Variants in CLIC5 observed in about 807,000 individuals in gnomAD.
The protein encoded by CLIC5 is CLIC family member 5, also known as chloride intracellular channel protein 5.
Under a neutral mutation model 24.7 loss-of-function variants are expected in CLIC5, and 20 were observed. That is an observed-to-expected ratio of 0.81 (90% CI 0.57 to 1.18). The LOEUF (loss-of-function observed/expected upper bound fraction) is 1.18. Ranked by LOEUF, CLIC5 falls within the 50% of genes most tolerant of loss-of-function variation. CLIC5 has a pLI of 0.00. For synonymous variants in CLIC5, 159 were observed against 135.6 expected, an observed-to-expected ratio of 1.17 and a Z score of -1.20; for missense variants, 341 against 326.1, an observed-to-expected ratio of 1.05 and a Z score of -0.35.
intron 5 of CLIC5, among the ~76,000 whole-genome samples, chr6:45,903,996 T>C (rs1762580737): frequency 6.6e-6 from 1 of 152,174 alleles, no homozygotes; most frequent in Non-Finnish European, 1.5e-5. Flanking sequence ...CTCGCCCTGG[T>C]TTGCCACAGT....
At chr6:45,914,607 T>G in intron 4 of CLIC5, 198 bp from the exon 5 acceptor site, 3 of 1,058,900 alleles carry the variant, frequency 2.8e-6, no homozygotes, top group Non-Finnish European at 3.6e-6. Context: ...AGGCAAACTC[T>G]AACCAAACAA....
chr6:46,008,838 G>C (rs903273178), intron 1 of CLIC5, among the ~76,000 whole-genome samples: 6 of 152,102 alleles, frequency 3.9e-5, no homozygotes, highest in African/African-American at 1.4e-4. Context: ...TATTGCCTTG[G>C]CTACCTCCAT....
At chr6:46,005,776 C>G (rs967634302) in intron 1 of CLIC5, among the ~76,000 whole-genome samples, 3 of 151,694 alleles carry the variant, frequency 2.0e-5, no homozygotes, top group Admixed American at 2.0e-4. Context: ...ATAGAGTTAT[C>G]CTCCTCCACA....
At chr6:46,030,937 G>A (rs570154412) in intron 1 of CLIC5, among the ~76,000 whole-genome samples, 4 of 152,170 alleles carry the variant, frequency 2.6e-5, no homozygotes, top group East Asian at 3.9e-4. Flanking sequence ...TTCTTGCAGC[G>A]AAATTCTCAT....
upstream of CLIC5, chr6:46,015,977 C>G (rs888628111): frequency 6.0e-6 from 5 of 834,448 alleles, no homozygotes; most frequent in South Asian, 5.5e-5. Flanking sequence ...CACGGCCCCC[C>G]GCCCCAAGAC....
At chr6:45,896,700 G>T (rs1370710139), downstream of CLIC5, among the ~76,000 whole-genome samples, 2 of 152,182 alleles carry the variant, frequency 1.3e-5, no homozygotes, top group African/African-American at 4.8e-5. Flanking sequence ...TCTGGAACAG[G>T]ACTTAGTCTT....
chr6:46,050,498 G>C (rs1768073365), intron 1 of CLIC5, among the ~76,000 whole-genome samples: 1 of 152,184 alleles, frequency 6.6e-6, no homozygotes. Context: ...GTGCTTGCTA[G>C]TTGCCAAGTT....
chr6:45,943,821 C>G (rs1764208225), intron 3 of CLIC5, among the ~76,000 whole-genome samples: 1 of 152,054 alleles, frequency 6.6e-6, no homozygotes, highest in Admixed American at 6.5e-5. Flanking sequence ...TTCCCAAGCA[C>G]TAGGACTCGT....
intron 4 of CLIC5, among the ~76,000 whole-genome samples, chr6:45,924,364 T>C (rs1763393606): frequency 6.6e-6 from 1 of 152,312 alleles, no homozygotes; most frequent in African/African-American, 2.4e-5. Flanking sequence ...ATGCTACAAG[T>C]ACACCTGGAC....
At chr6:46,063,813 C>A (rs1012466333) in intron 1 of CLIC5, among the ~76,000 whole-genome samples, 4 of 152,176 alleles carry the variant, frequency 2.6e-5, no homozygotes, top group African/African-American at 9.7e-5. Context: ...GCCACATGAG[C>A]TGTAGACTAG....
chr6:46,097,379 AC>A, the CLIC5 span: 1 of 152,220 alleles, frequency 6.6e-6, no homozygotes, highest in Admixed American at 6.5e-5. Context: ...ATGAGGAGAT[AC>A]TACTGCCTGT....
intron 1 of CLIC5, among the ~76,000 whole-genome samples, chr6:46,054,258 A>C (rs1044837462): frequency 7.9e-5 from 12 of 152,284 alleles, no homozygotes; most frequent in African/African-American, 2.6e-4. Flanking sequence ...TCTCTGCTCC[A>C]AGGCAATGAG....
rs557652977 is a variant in CLIC5 at position 46,036,718 on chromosome 6, C to G, written c.540+42985G>C. ...TCAGTATTTGTGGAATAATGAATAC[C>G]TATTGAATGAATTCAGTGGCATTTT... On this transcript the variant is annotated intron_variant, in intron 1 of 5. Coordinates refer to the CLIC5 transcript ENST00000185206. 2.0e-4 allele frequency among the ~76,000 whole-genome samples: 31 copies of G among 152,220 alleles called. No homozygotes were observed. The South Asian group carries it at 2.9e-3, about 14-fold the overall frequency.
intron 1 of CLIC5, among the ~76,000 whole-genome samples, chr6:46,069,989 G>A (rs954088360): frequency 6.6e-5 from 10 of 152,170 alleles, no homozygotes; most frequent in Non-Finnish European, 1.5e-4. Context: ...TAACTCAATA[G>A]ATGCAGAAAA....
intron 1 of CLIC5, among the ~76,000 whole-genome samples, chr6:46,079,167 A>T (rs1311545948): frequency 6.6e-6 from 1 of 152,216 alleles, no homozygotes; most frequent in Non-Finnish European, 1.5e-5. Flanking sequence ...TTAAACATTA[A>T]CACTGGTAGT....
intron 1 of CLIC5, among the ~76,000 whole-genome samples, chr6:46,050,776 T>G (rs1165718548): frequency 6.6e-6 from 1 of 152,152 alleles, no homozygotes; most frequent in African/African-American, 2.4e-5. Flanking sequence ...TCCTCTTTTT[T>G]TCTTGGCGAT....
intron 1 of CLIC5, among the ~76,000 whole-genome samples, chr6:46,011,094 C>T (rs1466202404): frequency 1.3e-5 from 2 of 152,192 alleles, no homozygotes; most frequent in Admixed American, 6.5e-5. Context: ...AAAGACTAGT[C>T]GTTTCCATCA....
At chr6:46,110,262 C>T in the CLIC5 span, among the ~76,000 whole-genome samples, 1 of 152,204 alleles carries the variant, frequency 6.6e-6, no homozygotes, top group Admixed American at 6.5e-5. Flanking sequence ...TCCCAGAGCT[C>T]AGGGCCTTCG....
rs557804621 is a variant in CLIC5, at chr6:45,911,727, G to A, written c.588+2501C>T. The stretch of plus-strand genomic sequence containing the variant: ...AATATATACTTCTATTGATGTTGGT[G>A]TTCCCCTTCTTGTTTGTCTCCAGGG... On this transcript the variant is annotated intron_variant, in intron 5 of 5. Transcript: ENST00000339561. 1,947 of 985,364 alleles carry A rather than the reference G, an allele frequency of 2.0e-3. 5 individuals carry two copies. The highest frequency in any genetic ancestry group is 2.3e-3 in the Non-Finnish European group (1,875 of 829,914). 61.0% of individuals were successfully genotyped at this position (985,364 alleles called of 1,614,324 possible).
Sources: allele counts gnomAD v4.1 joint callset (sites outside exome capture counted in the v4.1 genomes callset), GRCh38; gene constraint gnomAD v4.1.1; transcripts MANE v1.5; gene names NCBI Gene and HGNC (gene_info 2026-07-23, HGNC 2026-07-21).